ACYP2: variants seen among roughly 807,000 people sequenced by gnomAD.
The protein encoded by ACYP2 is acylphosphatase 2.
Under a neutral mutation model 11.2 loss-of-function variants are expected in ACYP2, and 12 were observed. The ratio of observed to expected loss-of-function variants is 1.08; its 90% CI spans 0.69 to 1.74. The LOEUF is 1.74. Ranked by LOEUF, ACYP2 falls within the 40% of genes most tolerant of loss-of-function variation. The pLI, the probability that ACYP2 is intolerant of heterozygous loss-of-function variation, is 0.00. For missense variants in ACYP2, 134 were observed against 101.9 expected, an observed-to-expected ratio of 1.31 and a Z score of -1.35; for synonymous variants, 43 against 32.2, an observed-to-expected ratio of 1.33 and a Z score of -1.13.
intron 6 of ACYP2, among the ~76,000 whole-genome samples, chr2:54,170,207 C>T (rs113800869): frequency 0.023 from 3,553 of 152,232 alleles, 122 homozygotes; most frequent in African/African-American, 0.076. Context: ...GGCTGGTGTG[C>T]AGTGGCGCGA....
chr2:54,075,790 G>C (rs1432918772), intron 4 of ACYP2, among the ~76,000 whole-genome samples: 1 of 151,718 alleles, frequency 6.6e-6, no homozygotes, highest in Non-Finnish European at 1.5e-5. Context: ...TCCAGCCTGG[G>C]CGATAGAACA....
At chr2:54,048,140 T>C (rs1272657797) in intron 2 of ACYP2, among the ~76,000 whole-genome samples, 4 of 152,162 alleles carry the variant, frequency 2.6e-5, no homozygotes, top group South Asian at 2.1e-4. Context: ...TAAAAGTTTT[T>C]GTAGGCCAGG....
intron 4 of ACYP2, among the ~76,000 whole-genome samples, chr2:54,128,864 A>C (rs1217680658): frequency 1.3e-5 from 2 of 151,986 alleles, no homozygotes; most frequent in Non-Finnish European, 2.9e-5. Flanking sequence ...CTGCATTTTC[A>C]CTTCTCTGAA....
intron 6 of ACYP2, among the ~76,000 whole-genome samples, chr2:54,248,139 A>C (rs1304135515): frequency 1.3e-5 from 2 of 152,234 alleles, no homozygotes; most frequent in Non-Finnish European, 2.9e-5. Flanking sequence ...ATTTATCCAC[A>C]CAGCCTCCTT....
intron 4 of ACYP2, among the ~76,000 whole-genome samples, chr2:54,057,960 T>C (rs1348804738): frequency 6.6e-6 from 1 of 152,198 alleles, no homozygotes; most frequent in African/African-American, 2.4e-5. Flanking sequence ...AAAACAAATA[T>C]TTTAAATTCA....
intron 4 of ACYP2, chr2:54,115,321 T>TA: frequency 2.0e-6 from 1 of 491,448 alleles, no homozygotes; most frequent in Non-Finnish European, 3.6e-6. Context: ...TACACTTTAA[T>TA]AAAGCTGGGG....
chr2:54,295,157 C>T (rs1323205225), intron 6 of ACYP2, among the ~76,000 whole-genome samples: 1 of 152,006 alleles, frequency 6.6e-6, no homozygotes, highest in African/African-American at 2.4e-5. Context: ...AGCCAGTTAC[C>T]ATGTATATTT....
Position 54,190,112 on chromosome 2 carries a change from T to C in ACYP2, c.404+51364T>C, listed in dbSNP as rs149417581. ...CTTTATAAATTTTGAATATTAATCC[T>C]TTATCAGATACAGGGTTTGCAAATA... On this transcript the variant is annotated intron_variant, in intron 6 of 6. Transcript: ENST00000607452. Among the ~76,000 whole-genome samples, 503 of 152,322 alleles carry C rather than the reference T, an allele frequency of 3.3e-3. 6 individuals are homozygous for C. The highest frequency in any genetic ancestry group is 0.028 in the East Asian group (143 of 5,194).
At chr2:54,251,505 C>T (rs1392769970) in intron 6 of ACYP2, among the ~76,000 whole-genome samples, 2 of 152,136 alleles carry the variant, frequency 1.3e-5, no homozygotes, top group African/African-American at 2.4e-5. Flanking sequence ...TTATCCAGCA[C>T]CCAGATCAAG....
At chr2:54,110,514 T>C (rs116494410) in intron 4 of ACYP2, among the ~76,000 whole-genome samples, 2 of 152,200 alleles carry the variant, frequency 1.3e-5, no homozygotes, top group Non-Finnish European at 1.5e-5. Flanking sequence ...TTCTGTTGAT[T>C]TGAAAAACAG....
chr2:54,181,712 T>C (rs1308612545), intron 6 of ACYP2, among the ~76,000 whole-genome samples: 1 of 152,234 alleles, frequency 6.6e-6, no homozygotes, highest in Non-Finnish European at 1.5e-5. Flanking sequence ...CAGTCTCTGG[T>C]GACCTGATGG....
chr2:54,262,326 T>C (rs1043918408), intron 6 of ACYP2, among the ~76,000 whole-genome samples: 1 of 152,192 alleles, frequency 6.6e-6, no homozygotes, highest in African/African-American at 2.4e-5. Flanking sequence ...GACTCTTATT[T>C]TAAAAGTGTT....
intron 6 of ACYP2, among the ~76,000 whole-genome samples, chr2:54,161,533 C>G (rs1682712725): frequency 6.6e-6 from 1 of 152,146 alleles, no homozygotes; most frequent in Non-Finnish European, 1.5e-5. Context: ...AACACTATCC[C>G]AACTTTTTAA....
chr2:54,243,867 C>T (rs1686835621), intron 6 of ACYP2, among the ~76,000 whole-genome samples: 1 of 151,838 alleles, frequency 6.6e-6, no homozygotes, highest in Non-Finnish European at 1.5e-5. Flanking sequence ...GCCCATAGTC[C>T]ATCACTGATG....
intron 2 of ACYP2, among the ~76,000 whole-genome samples, chr2:53,988,756 G>GT (rs201898118): frequency 0.015 from 2,175 of 147,432 alleles, 53 homozygotes; most frequent in African/African-American, 0.05. Context: ...GTTTTGTTTT[G>GT]TTTTTTTGAG....
At chr2:54,046,700 C>G (rs1675543746) in intron 2 of ACYP2, among the ~76,000 whole-genome samples, 1 of 152,112 alleles carries the variant, frequency 6.6e-6, no homozygotes, top group Non-Finnish European at 1.5e-5. Context: ...ATGACCTGTC[C>G]AATCACACAG....
chr2:54,116,502 G>GT (rs57486234), intron 4 of ACYP2, among the ~76,000 whole-genome samples: 34,517 of 129,108 alleles, frequency 0.27, 4,713 homozygotes, highest in South Asian at 0.43. Context: ...TTGCTTGAGG[G>GT]TTTTTTTTTT....
chr2:54,218,469 G>A (rs1283394823), intron 6 of ACYP2, among the ~76,000 whole-genome samples: 3 of 152,006 alleles, frequency 2.0e-5, no homozygotes, highest in African/African-American at 7.2e-5. Flanking sequence ...ATTTATTTTT[G>A]TATCTTCTGT....
intron 6 of ACYP2, chr2:54,253,234 C>T (rs1236614977): frequency 6.6e-6 from 1 of 152,192 alleles, no homozygotes; most frequent in Non-Finnish European, 1.5e-5. Context: ...CAGTCTTCCG[C>T]ATCAGATAAG....
Sources: allele counts gnomAD v4.1 joint callset (sites outside exome capture counted in the v4.1 genomes callset), GRCh38; gene constraint gnomAD v4.1.1; transcripts MANE v1.5; gene names NCBI Gene and HGNC (gene_info 2026-07-23, HGNC 2026-07-21).